LRRC4C: variants seen among roughly 807,000 people sequenced by gnomAD.
LRRC4C encodes leucine rich repeat containing 4C, also known as leucine-rich repeat-containing protein 4C.
In LRRC4C, 5 loss-of-function variants were observed where a neutral mutation model predicts 33.6. That is an observed-to-expected ratio of 0.15 (90% CI 0.08 to 0.31). The LOEUF (loss-of-function observed/expected upper bound fraction) is 0.31. LRRC4C is among the 10% of genes least tolerant of loss of function. The pLI is 1.00. For synonymous variants in LRRC4C, 329 were observed against 302.0 expected (o/e 1.09, Z -0.93); for missense variants, 560 against 796.7 (o/e 0.70, Z 3.58).
chr11:40,160,720 T>A (rs947524687), intron 5 of LRRC4C, among the ~76,000 whole-genome samples: 1 of 152,098 alleles, frequency 6.6e-6, no homozygotes, highest in Non-Finnish European at 1.5e-5. Context: ...AAAAAGTCAG[T>A]TTCAAATGTC....
chr11:40,682,235 A>G (rs773964988), intron 2 of LRRC4C, among the ~76,000 whole-genome samples: 18 of 151,316 alleles, frequency 1.2e-4, no homozygotes, highest in Admixed American at 4.6e-4. Context: ...GCACCACTGC[A>G]CTCCAGCCTG....
At chr11:40,828,488 GT>G (rs772096869) in intron 2 of LRRC4C, among the ~76,000 whole-genome samples, 5 of 151,728 alleles carry the variant, frequency 3.3e-5, no homozygotes, top group Non-Finnish European at 5.9e-5. Context: ...ATAATATAAA[GT>G]TTTTAGCTGT....
intron 1 of LRRC4C, among the ~76,000 whole-genome samples, chr11:41,157,546 G>A (rs187912702): frequency 2.0e-5 from 3 of 152,224 alleles, no homozygotes; most frequent in African/African-American, 7.2e-5. Flanking sequence ...ATTGGCAGAA[G>A]TAACCAAAAT....
At chr11:41,351,311 T>C (rs1951976907) in intron 1 of LRRC4C, among the ~76,000 whole-genome samples, 1 of 151,814 alleles carries the variant, frequency 6.6e-6, no homozygotes, top group Non-Finnish European at 1.5e-5. Context: ...TTTTTAAAAA[T>C]GGGGAAAAAA....
intron 1 of LRRC4C, among the ~76,000 whole-genome samples, chr11:41,431,896 G>A (rs1264567584): frequency 2.0e-5 from 3 of 152,074 alleles, no homozygotes; most frequent in Non-Finnish European, 4.4e-5. Context: ...TGGGCCATGC[G>A]CTCTGATTTT....
At chr11:40,712,502 T>A (rs991530341) in intron 2 of LRRC4C, among the ~76,000 whole-genome samples, 2 of 152,144 alleles carry the variant, frequency 1.3e-5, no homozygotes, top group African/African-American at 4.8e-5. Flanking sequence ...TTGTAGTTCA[T>A]GGGAACAGAA....
chr11:40,339,201 T>C (rs1299269824), intron 3 of LRRC4C, among the ~76,000 whole-genome samples: 1 of 152,196 alleles, frequency 6.6e-6, no homozygotes, highest in Non-Finnish European at 1.5e-5. Context: ...ATCAGCAAAT[T>C]CTTTGTACCC....
chr11:41,163,527 G>T (rs1336316588), intron 1 of LRRC4C, among the ~76,000 whole-genome samples: 3 of 150,118 alleles, frequency 2.0e-5, no homozygotes, highest in Non-Finnish European at 4.4e-5. Flanking sequence ...CAAATGATCT[G>T]CTTACCTCGG....
At chr11:41,380,658 G>T (rs1953109818) in intron 1 of LRRC4C, among the ~76,000 whole-genome samples, 2 of 152,190 alleles carry the variant, frequency 1.3e-5, no homozygotes, top group South Asian at 4.1e-4. Flanking sequence ...AGTAAAAATG[G>T]GAACCCATAA....
At chr11:40,207,208 T>C (rs1202275320) in intron 5 of LRRC4C, among the ~76,000 whole-genome samples, 1 of 152,174 alleles carries the variant, frequency 6.6e-6, no homozygotes, top group East Asian at 1.9e-4. Flanking sequence ...TGGATTCGTT[T>C]GGAGGTAGAA....
intron 3 of LRRC4C, among the ~76,000 whole-genome samples, chr11:40,433,320 G>A (rs1951010526): frequency 6.7e-6 from 1 of 148,414 alleles, no homozygotes; most frequent in Non-Finnish European, 1.5e-5. Context: ...AAATAACAGA[G>A]CCATAGGAAA....
intron 6 of LRRC4C, among the ~76,000 whole-genome samples, chr11:40,118,606 A>T (rs188492231): frequency 1.5e-3 from 225 of 152,218 alleles, no homozygotes; most frequent in Non-Finnish European, 2.5e-3. Context: ...AAAAGGAAAG[A>T]AGGGCATTTT....
chr11:40,183,747 A>G (rs1029448237), intron 5 of LRRC4C, among the ~76,000 whole-genome samples: 1 of 152,236 alleles, frequency 6.6e-6, no homozygotes. Flanking sequence ...GAATCTCAGT[A>G]AAGGCCAACT....
intron 5 of LRRC4C, among the ~76,000 whole-genome samples, chr11:40,166,351 A>G (rs1043095183): frequency 2.6e-5 from 4 of 152,208 alleles, no homozygotes; most frequent in Admixed American, 6.5e-5. Flanking sequence ...AGCTTGATAC[A>G]AAGAAATCTC....
intron 3 of LRRC4C, among the ~76,000 whole-genome samples, chr11:40,600,028 CAT>C (rs1959817486): frequency 6.6e-6 from 1 of 152,148 alleles, no homozygotes; most frequent in South Asian, 2.1e-4. Flanking sequence ...AGTGTATTCT[CAT>C]ATAGTACAGG....
chr11:40,532,195 T>G (rs962726325), intron 3 of LRRC4C, among the ~76,000 whole-genome samples: 1 of 151,486 alleles, frequency 6.6e-6, no homozygotes, highest in African/African-American at 2.4e-5. Context: ...CTCTGCTGAC[T>G]AATCCTAAAT....
intron 1 of LRRC4C, among the ~76,000 whole-genome samples, chr11:41,225,881 A>C (rs1477908414): frequency 6.6e-6 from 1 of 152,080 alleles, no homozygotes; most frequent in African/African-American, 2.4e-5. Flanking sequence ...TATTTAATGA[A>C]TTGTGGTGGA....
At chr11:40,975,656 G>A (rs1288015521) in intron 1 of LRRC4C, among the ~76,000 whole-genome samples, 5 of 152,122 alleles carry the variant, frequency 3.3e-5, no homozygotes, top group African/African-American at 1.2e-4. Context: ...TTTTTAATCT[G>A]TTCACAGAGG....
chr11:40,297,405 T>C (rs770285517), intron 4 of LRRC4C, among the ~76,000 whole-genome samples: 1 of 152,194 alleles, frequency 6.6e-6, no homozygotes, highest in Non-Finnish European at 1.5e-5. Context: ...ACAACTTATT[T>C]TTTCAAAACT....
Sources: allele counts gnomAD v4.1 joint callset (sites outside exome capture counted in the v4.1 genomes callset), GRCh38; gene constraint gnomAD v4.1.1; transcripts MANE v1.5; gene names NCBI Gene and HGNC (gene_info 2026-07-23, HGNC 2026-07-21).